GPC5: variants seen among roughly 807,000 people sequenced by gnomAD.
GPC5 encodes glypican 5.
In GPC5, 47 loss-of-function variants were observed where a neutral mutation model predicts 53.9. That is an observed-to-expected ratio of 0.87 (90% CI 0.69 to 1.11). GPC5 has a LOEUF of 1.11. GPC5 is among the 50% of genes most tolerant of loss of function. The pLI is 0.00. For synonymous variants in GPC5, 286 were observed against 263.3 expected (o/e 1.09, Z -0.84); for missense variants, 748 against 713.1 (o/e 1.05, Z -0.56).
At chr13:92,754,191 A>G (rs1874735122) in intron 7 of GPC5, among the ~76,000 whole-genome samples, 2 of 152,194 alleles carry the variant, frequency 1.3e-5, no homozygotes, top group Admixed American at 6.5e-5. Flanking sequence ...TCTTAAAGAC[A>G]AGAATTTTCA....
chr13:92,449,871 C>A (rs1318050960), intron 7 of GPC5, among the ~76,000 whole-genome samples: 2 of 152,176 alleles, frequency 1.3e-5, no homozygotes, highest in African/African-American at 4.8e-5. Context: ...TGTATACTTA[C>A]TTCTTTGTTA....
rs548729378 is a variant in GPC5, at chr13:91,472,261, G to A, written c.325+23339G>A. On this transcript the variant is annotated intron_variant, in intron 2 of 7. Transcript: ENST00000377067. ...TTTTTAGTTTTTCAGTGTCAATTAC[G>A]GTCTTCTTTAGATGGATGGGATAAA... is the stretch of plus-strand genomic sequence containing the variant. Among the ~76,000 whole-genome samples, 12 of 152,162 alleles carry A rather than the reference G, an allele frequency of 7.9e-5. 1 individual carries two copies. The South Asian group carries it at 1.7e-3, about 21-fold the overall frequency.
At chr13:92,113,062 A>C (rs1460081731) in intron 6 of GPC5, among the ~76,000 whole-genome samples, 1 of 152,120 alleles carries the variant, frequency 6.6e-6, no homozygotes, top group Admixed American at 6.5e-5. Flanking sequence ...GCATTTTGTC[A>C]TTATGAAATG....
At chr13:91,895,608 G>T (rs2039432882) in intron 5 of GPC5, among the ~76,000 whole-genome samples, 1 of 150,678 alleles carries the variant, frequency 6.6e-6, no homozygotes, top group Non-Finnish European at 1.5e-5. Flanking sequence ...CGGCTCTGTT[G>T]TCAGGTTTTA....
At chr13:91,568,679 G>A (rs2031646552) in intron 2 of GPC5, among the ~76,000 whole-genome samples, 1 of 151,424 alleles carries the variant, frequency 6.6e-6, no homozygotes, top group Non-Finnish European at 1.5e-5. Flanking sequence ...AATATAAATT[G>A]GAAGGCCACC....
At chr13:92,461,255 C>G (rs1225699451) in intron 7 of GPC5, among the ~76,000 whole-genome samples, 1 of 152,070 alleles carries the variant, frequency 6.6e-6, no homozygotes, top group African/African-American at 2.4e-5. Flanking sequence ...TTAATTGATT[C>G]AACGAATATG....
intron 7 of GPC5, among the ~76,000 whole-genome samples, chr13:92,304,523 T>C (rs1396746059): frequency 6.6e-6 from 1 of 151,940 alleles, no homozygotes; most frequent in Non-Finnish European, 1.5e-5. Flanking sequence ...TTTCAACTTT[T>C]ATTGTTTCTT....
intron 7 of GPC5, among the ~76,000 whole-genome samples, chr13:92,762,147 A>G (rs1875205156): frequency 6.6e-6 from 1 of 152,168 alleles, no homozygotes; most frequent in South Asian, 2.1e-4. Context: ...TAATACTGTT[A>G]TGATGCTCTA....
chr13:91,756,591 T>A (rs1015210525), intron 5 of GPC5, among the ~76,000 whole-genome samples, 171 bp downstream of exon 5: 1 of 152,118 alleles, frequency 6.6e-6, no homozygotes, highest in Admixed American at 6.6e-5. Context: ...AACCTGATCC[T>A]TTTAGGTATC....
rs1174624301 is a variant in GPC5, at chr13:92,747,970, T to C, written c.1562-118312T>C. 3.3e-5 allele frequency among the ~76,000 whole-genome samples: 5 copies of C among 152,186 alleles called. No individual in the cohort carries two copies. The East Asian group carries it at 5.8e-4, about 18-fold the overall frequency. ...TTTCCACAGTTAAAAATTATACATA[T>C]ATATGTACATTTAATAACGTCAGTT... On this transcript the variant is annotated intron_variant, in intron 7 of 7. Coordinates refer to ENST00000377067, the MANE Select transcript of GPC5 (RefSeq NM_004466.6).
chr13:92,725,256 A>G (rs1265316111), intron 7 of GPC5, among the ~76,000 whole-genome samples: 3 of 151,498 alleles, frequency 2.0e-5, no homozygotes, highest in Non-Finnish European at 4.4e-5. Context: ...TAAATTTGCT[A>G]CTATGCTGTC....
intron 2 of GPC5, among the ~76,000 whole-genome samples, chr13:91,516,091 C>T (rs745317327): frequency 2.6e-5 from 4 of 152,074 alleles, no homozygotes; most frequent in African/African-American, 9.7e-5. Context: ...AGATACAATT[C>T]GAATTGAGAT....
intron 2 of GPC5, among the ~76,000 whole-genome samples, chr13:91,580,928 C>T (rs899620928): frequency 2.6e-5 from 4 of 152,196 alleles, no homozygotes; most frequent in Admixed American, 6.5e-5. Flanking sequence ...GCATGGGTGG[C>T]GAGGCCTCAT....
At chr13:91,511,613 T>A (rs1038441918) in intron 2 of GPC5, among the ~76,000 whole-genome samples, 12 of 152,198 alleles carry the variant, frequency 7.9e-5, no homozygotes, top group Non-Finnish European at 1.6e-4. Context: ...TTAAGTTCGT[T>A]GATCTTTTCA....
At chr13:92,203,166 T>A (rs1400821574) in intron 7 of GPC5, among the ~76,000 whole-genome samples, 1 of 152,112 alleles carries the variant, frequency 6.6e-6, no homozygotes, top group African/African-American at 2.4e-5. Flanking sequence ...CAAATCATGC[T>A]GCTATAAAGA....
At chr13:91,832,499 G>A (rs1413240497) in intron 5 of GPC5, among the ~76,000 whole-genome samples, 2 of 151,852 alleles carry the variant, frequency 1.3e-5, no homozygotes, top group Non-Finnish European at 2.9e-5. Context: ...ATATTGTTAT[G>A]TGTGAATTTG....
intron 3 of GPC5, among the ~76,000 whole-genome samples, chr13:91,709,354 T>C (rs1283326395): frequency 6.6e-6 from 1 of 152,220 alleles, no homozygotes; most frequent in Non-Finnish European, 1.5e-5. Flanking sequence ...ACTTTGCACA[T>C]TCTGGCCTTT....
chr13:91,963,589 G>T (rs1033287381), intron 6 of GPC5, among the ~76,000 whole-genome samples: 1 of 152,116 alleles, frequency 6.6e-6, no homozygotes, highest in Non-Finnish European at 1.5e-5. Context: ...CTTTACAGCA[G>T]TTAGACACAA....
chr13:92,514,403 T>A (rs1880692073), intron 7 of GPC5, among the ~76,000 whole-genome samples: 1 of 152,100 alleles, frequency 6.6e-6, no homozygotes, highest in South Asian at 2.1e-4. Flanking sequence ...TTAGAAGTCC[T>A]TGTTTCAGGC....
Sources: allele counts gnomAD v4.1 joint callset (sites outside exome capture counted in the v4.1 genomes callset), GRCh38; gene constraint gnomAD v4.1.1; transcripts MANE v1.5; gene names NCBI Gene and HGNC (gene_info 2026-07-23, HGNC 2026-07-21).